The following KRT80 variants were observed in gnomAD, a reference collection of about 807,000 sequenced individuals.
KRT80 encodes the protein keratin 80, also known as keratin, type II cytoskeletal 80.
Under a neutral mutation model 51.5 loss-of-function variants are expected in KRT80, and 36 were observed. The observed-to-expected ratio is 0.70, with a 90% confidence interval of 0.54 to 0.92. The LOEUF (loss-of-function observed/expected upper bound fraction) is 0.92. Ranked by LOEUF, KRT80 falls within the 40% of genes least tolerant of loss-of-function variation. KRT80 has a pLI of 0.00. For synonymous variants in KRT80, 235 were observed against 248.3 expected (o/e 0.95, Z 0.50); for missense variants, 566 against 591.7 (o/e 0.96, Z 0.45).
In KRT80 at chr12:52,184,944, C is replaced by T. The variant is rs148090215; in HGVS notation, c.509+435G>A. On this transcript the variant is annotated intron_variant, in intron 2 of 8. Coordinates refer to ENST00000394815, the MANE Select transcript of KRT80 (RefSeq NM_182507.3). The stretch of plus-strand genomic sequence containing the variant: ...GCTTTCCTCTCCTTTCCAACCCAGT[C>T]GAGATCAAAATCTAAAGCCACATCT... 4.3e-3 allele frequency among the ~76,000 whole-genome samples: 656 copies of T among 152,304 alleles called. 4 individuals are homozygous for T. The highest frequency in any genetic ancestry group is 0.015 in the African/African-American group (613 of 41,542).
chr12:52,177,484 T>A (rs1235085423), intron 4 of KRT80, among the ~76,000 whole-genome samples: 1 of 152,104 alleles, frequency 6.6e-6, no homozygotes, highest in Admixed American at 6.5e-5. Flanking sequence ...ACTTGGGAGC[T>A]GGACTGTGTC....
intron 8 of KRT80, 43 bp from the exon 9 acceptor site, chr12:52,171,565 T>C: frequency 6.2e-7 from 1 of 1,612,912 alleles, no homozygotes; most frequent in Non-Finnish European, 8.5e-7. Context: ...GGGCTGGAGG[T>C]TTGGGAGCCA....
At chr12:52,179,147 C>T (rs958834163) in intron 4 of KRT80, among the ~76,000 whole-genome samples, 8 of 152,218 alleles carry the variant, frequency 5.3e-5, no homozygotes, top group South Asian at 2.1e-4. Context: ...CATCTAGGCT[C>T]GGCAGAATCT....
At chr12:52,184,623 CTG>C (rs1378191687) in intron 2 of KRT80, among the ~76,000 whole-genome samples, 1 of 152,194 alleles carries the variant, frequency 6.6e-6, no homozygotes, top group African/African-American at 2.4e-5. Context: ...CAGGAAGAAA[CTG>C]AGGTTCAGAT....
In KRT80 at chr12:52,171,278, A is replaced by G. The variant is rs936963481; in HGVS notation, c.*120T>C. ...ACAGTCAGTTTTGAACCCCTCTCTC[A>G]GTTCAATATCAGGTTTTGCCTCTCT... On this transcript the variant is annotated 3_prime_UTR_variant, in exon 9 of 9. Coordinates refer to ENST00000394815, the MANE Select transcript of KRT80 (RefSeq NM_182507.3). The G allele has an allele frequency of 8.1e-5, 85 of 1,050,390 alleles. No individual in the cohort carries two copies. Among genetic ancestry groups the G allele is most frequent in the Non-Finnish European group, 1.4e-5 (10 of 721,462 alleles). 65.1% of individuals were successfully genotyped at this position (1,050,390 alleles called of 1,614,324 possible).
intron 4 of KRT80, among the ~76,000 whole-genome samples, chr12:52,179,735 G>A (rs956511697): frequency 1.3e-5 from 2 of 152,274 alleles, no homozygotes; most frequent in African/African-American, 2.4e-5. Flanking sequence ...GCAGTGTGCA[G>A]CACTTAGGCG....
In KRT80 at chr12:52,185,639, T is replaced by C. The variant is rs753516647; in HGVS notation, c.301-52A>G. 2.0e-5 allele frequency: 32 copies of C among 1,576,286 alleles called. 1 individual carries two copies. The South Asian group carries it at 3.5e-4, about 17-fold the overall frequency. ...GGTCAGGTGTGGACCAGTCGGGGGC[T>C]GAGGCCCCGGGCTGACCAGCAAGAG... On this transcript the variant is annotated intron_variant, in intron 1 of 8. Transcript: ENST00000394815.
At chr12:52,187,076 C>A (rs1215526137) in intron 1 of KRT80, among the ~76,000 whole-genome samples, 2 of 152,244 alleles carry the variant, frequency 1.3e-5, no homozygotes, top group African/African-American at 4.8e-5. Context: ...TCTGCTCCCC[C>A]TTGGGGCCTC....
intron 1 of KRT80, 185 bp from the exon 2 acceptor site, chr12:52,185,772 G>T: frequency 7.6e-7 from 1 of 1,318,842 alleles, no homozygotes; most frequent in Non-Finnish European, 1.0e-6. Flanking sequence ...TGAAGATGGT[G>T]AGATAAGGAC....
Position 52,169,516 on chromosome 12 carries a change from A to G in KRT80, c.*1882T>C, listed in dbSNP as rs1161745016. 1 of 152,644 alleles carries G rather than the reference A, an allele frequency of 6.6e-6. No individual in the cohort carries two copies. The highest frequency in any genetic ancestry group is 1.5e-5 in the Non-Finnish European group (1 of 68,032). 9.5% of individuals were successfully genotyped at this position (152,644 alleles called of 1,614,324 possible). ...CCTGAGAGGGGAGATAAAAACAGAC[A>G]CACAGCTTTCTCCATAGACAAATCT... On this transcript the variant is annotated 3_prime_UTR_variant, in exon 9 of 9. Coordinates refer to ENST00000394815, the MANE Select transcript of KRT80 (RefSeq NM_182507.3).
In KRT80 at chr12:52,171,334, T is replaced by G; in HGVS notation, c.*64A>C. On this transcript the variant is annotated 3_prime_UTR_variant, in exon 9 of 9. Transcript: ENST00000394815. ...ACCTAGAGGCTCCAAGCTGCTTTCT[T>G]GAGTCTAGCTTAAGTCCCTCCTGCT... The G allele has an allele frequency of 1.2e-5, 18 of 1,481,522 alleles. No homozygotes were observed. Among genetic ancestry groups the G allele is most frequent in the Non-Finnish European group, 1.4e-5 (15 of 1,101,958 alleles). 91.8% of individuals were successfully genotyped at this position (1,481,522 alleles called of 1,614,324 possible).
At chr12:52,189,738 C>G (rs895136542) in intron 1 of KRT80, among the ~76,000 whole-genome samples, 3 of 152,242 alleles carry the variant, frequency 2.0e-5, no homozygotes, top group Admixed American at 2.0e-4. Flanking sequence ...CTCCCTGTGT[C>G]CCACCCTGAA....
chr12:52,173,523 C>A, intron 5 of KRT80, 77 bp downstream of exon 5: 1 of 1,484,064 alleles, frequency 6.7e-7, no homozygotes, highest in Non-Finnish European at 9.2e-7. Flanking sequence ...GCAACCTCAG[C>A]CATCACCAGT....
At position 52,172,187 on chromosome 12, in the gene KRT80, C is replaced by G. The variant is rs1674812499; in HGVS notation, c.1178+11G>C. ...CCCCTGCAGCCCTTCCTCACCAGCCCTGGCTCTCACCTGCCCTCCTCGCCC... is the reference window on the plus strand; with the variant it reads ...CCCCTGCAGCCCTTCCTCACCAGCCGTGGCTCTCACCTGCCCTCCTCGCCC... On this transcript the variant is annotated intron_variant, in intron 7 of 8. Coordinates refer to ENST00000394815, the MANE Select transcript of KRT80 (RefSeq NM_182507.3). 6.2e-7 allele frequency: 1 copy of G among 1,613,014 alleles called. No individual in the cohort carries two copies.
chr12:52,186,795 A>G (rs745454577), intron 1 of KRT80, among the ~76,000 whole-genome samples: 1 of 151,948 alleles, frequency 6.6e-6, no homozygotes, highest in Non-Finnish European at 1.5e-5. Flanking sequence ...TGCCTACCAT[A>G]TGCCTCTTGC....
At chr12:52,183,245 G>A (rs781249197) in intron 2 of KRT80, among the ~76,000 whole-genome samples, 3 of 152,200 alleles carry the variant, frequency 2.0e-5, no homozygotes, top group Non-Finnish European at 4.4e-5. Flanking sequence ...TAGAGGCTTA[G>A]GTCCCCTATT....
chr12:52,191,895 C>T lies in KRT80; in HGVS notation c.8G>A (p.Cys3Tyr), dbSNP rs1306726819. 9.5e-6 allele frequency: 14 copies of T among 1,478,576 alleles called. 1 individual carries two copies. The East Asian group carries it at 3.4e-4, about 36-fold the overall frequency. 91.6% of individuals were successfully genotyped at this position (1,478,576 alleles called of 1,614,324 possible). A position where few individuals can be genotyped will look rare whatever the true frequency, so the allele number is the denominator to read the frequency against. Residue 3 changes from cysteine to tyrosine, a missense_variant, in exon 1 of 9, where the codon TGC (cysteine) becomes TAC (tyrosine). Transcript: ENST00000394815. The part of the protein sequence containing the change: MA[C>Y]RSCVVGFSSL... ...GCTGAAGCCAACCACGCAGGAGCGG[C>T]AGGCCATGGTGCCCCCGGCCGGAAG...
In KRT80 at chr12:52,173,074, C is replaced by T. The variant is rs1236027199; in HGVS notation, c.921G>A (p.Gln307=). The change falls in exon 6 of 9, where the codon CAG becomes CAA. Residue 307 remains glutamine (Q), a synonymous_variant. Coordinates refer to ENST00000394815, the MANE Select transcript of KRT80 (RefSeq NM_182507.3). The part of the protein sequence containing the change: ...SEIADLNVRI[Q]KLRSQILSVK... ...CAGAGAGGATCTGGGACCGCAGCTTCTGGATGCGCACATTGAGATCCGCGA... is the reference window on the plus strand; with the variant it reads ...CAGAGAGGATCTGGGACCGCAGCTTTTGGATGCGCACATTGAGATCCGCGA... The T allele has an allele frequency of 6.2e-7, 1 of 1,612,820 alleles. No individual in the cohort carries two copies. Among genetic ancestry groups the T allele is most frequent in the Non-Finnish European group, 8.5e-7 (1 of 1,179,096 alleles).
chr12:52,176,786 CT>C (rs1379900758), intron 4 of KRT80, among the ~76,000 whole-genome samples: 1 of 152,198 alleles, frequency 6.6e-6, no homozygotes, highest in Non-Finnish European at 1.5e-5. Flanking sequence ...CGGCCAATCA[CT>C]TCTTATTAGT....
Sources: allele counts gnomAD v4.1 joint callset (sites outside exome capture counted in the v4.1 genomes callset), GRCh38; gene constraint gnomAD v4.1.1; transcripts MANE v1.5; gene names NCBI Gene and HGNC (gene_info 2026-07-23, HGNC 2026-07-21).